DLGAP2: variants seen among roughly 807,000 people sequenced by gnomAD.
The protein encoded by DLGAP2 is disks large-associated protein 2.
A neutral mutation model predicts 100.3 loss-of-function variants in DLGAP2; 26 were observed. The observed-to-expected ratio is 0.26, with a 90% CI of 0.19 to 0.36. The LOEUF is 0.36. Among genes scored for constraint, DLGAP2 ranks in the 10% least tolerant of loss-of-function variants. DLGAP2 has a pLI of 1.00. For missense variants in DLGAP2, 1,858 were observed against 1,453.2 expected, an observed-to-expected ratio of 1.28 and a Z score of -4.53; for synonymous variants, 886 against 630.1, an observed-to-expected ratio of 1.41 and a Z score of -6.08.
intron 6 of DLGAP2, among the ~76,000 whole-genome samples, chr8:1,612,459 A>G (rs1257407080): frequency 7.0e-6 from 1 of 143,400 alleles, no homozygotes; most frequent in Non-Finnish European, 1.5e-5. Context: ...CCTAGGCATT[A>G]CCATTCAGGA....
At chr8:1,426,116 G>T (rs553531584) in intron 3 of DLGAP2, among the ~76,000 whole-genome samples, 50 of 152,284 alleles carry the variant, frequency 3.3e-4, no homozygotes, top group African/African-American at 1.2e-3. Context: ...AGAGGAGGAA[G>T]AAACCGGCTC....
chr8:1,431,628 T>G (rs538780985), intron 3 of DLGAP2, among the ~76,000 whole-genome samples: 4 of 151,750 alleles, frequency 2.6e-5, no homozygotes, highest in African/African-American at 9.6e-5. Flanking sequence ...TATCACAGGC[T>G]CGCTGGCGTG....
intron 3 of DLGAP2, among the ~76,000 whole-genome samples, chr8:1,270,050 C>T (rs781736688): frequency 1.2e-4 from 18 of 152,242 alleles, no homozygotes; most frequent in Admixed American, 6.5e-4. Flanking sequence ...CATACAGTAG[C>T]GGGTGGTCTT....
intron 2 of DLGAP2, among the ~76,000 whole-genome samples, chr8:1,241,658 G>C (rs1323098043): frequency 3.9e-5 from 6 of 151,918 alleles, no homozygotes; most frequent in Admixed American, 3.9e-4. Flanking sequence ...TTAACCAGTG[G>C]AAATGACTTG....
chr8:760,211 T>C (rs551295379), intron 1 of DLGAP2, among the ~76,000 whole-genome samples: 1 of 152,318 alleles, frequency 6.6e-6, no homozygotes, highest in East Asian at 1.9e-4. Flanking sequence ...GCCCAAGGGA[T>C]GACACAGGCT....
intron 2 of DLGAP2, among the ~76,000 whole-genome samples, chr8:1,108,313 T>A (rs74562106): frequency 1.8e-3 from 267 of 152,304 alleles, no homozygotes; most frequent in African/African-American, 6.0e-3. Flanking sequence ...TGCAGTCAAT[T>A]TCTGAAAGTT....
At chr8:948,317 G>A (rs1242823069) in intron 2 of DLGAP2, among the ~76,000 whole-genome samples, 1 of 152,244 alleles carries the variant, frequency 6.6e-6, no homozygotes, top group African/African-American at 2.4e-5. Context: ...CCTCATGCGT[G>A]TCGCCTGCGG....
chr8:1,179,515 T>G (rs903291970), intron 2 of DLGAP2, among the ~76,000 whole-genome samples: 1 of 152,406 alleles, frequency 6.6e-6, no homozygotes, highest in South Asian at 2.1e-4. Context: ...ACCTGGCTGC[T>G]GGGATGAGGC....
chr8:1,670,978 G>A (rs1798676634), intron 10 of DLGAP2, among the ~76,000 whole-genome samples: 1 of 152,226 alleles, frequency 6.6e-6, no homozygotes, highest in East Asian at 1.9e-4. Context: ...TGGGACAAGA[G>A]TGAGCAGGCT....
Position 1,669,787 on chromosome 8 carries a change from A to G in DLGAP2, c.2202+3A>G. ...ATCAGCCATACCCAAGGTCAGATGT[A>G]AGTACCGAAATGTGCTCCAAAGCCG... On this transcript the variant is annotated splice_donor_region_variant and intron_variant, in intron 10 of 14. Coordinates refer to ENST00000637795, the MANE Select transcript of DLGAP2 (RefSeq NM_001346810.2). 1.3e-6 allele frequency: 1 copy of G among 780,900 alleles called. No homozygotes were observed. The highest frequency in any genetic ancestry group is 2.4e-6 in the Non-Finnish European group (1 of 417,982). The allele number at this position is 780,900 out of a possible 1,614,324, so 48.4% of individuals were successfully genotyped here. A position where few individuals can be genotyped will look rare whatever the true frequency, so the allele number is the denominator to read the frequency against.
At chr8:1,418,019 G>A (rs980855583) in intron 3 of DLGAP2, among the ~76,000 whole-genome samples, 2 of 152,154 alleles carry the variant, frequency 1.3e-5, no homozygotes, top group African/African-American at 4.8e-5. Flanking sequence ...CTACAGTCCC[G>A]TTCTGGACAG....
rs1398596503 is a variant in DLGAP2, at chr8:979,411, T to C, written c.73+71445T>C. On this transcript the variant is annotated intron_variant, in intron 2 of 14. Transcript: ENST00000637795. ...CATAATAGTCTGTGATTTTATCCTT[T>C]TTCTAAAAATGTGCTGCCACCAAAG... 2.0e-5 allele frequency among the ~76,000 whole-genome samples: 3 copies of C among 152,224 alleles called. No homozygotes were observed. In the East Asian group the frequency reaches 5.8e-4, roughly 29 times the overall value.
At chr8:826,357 G>A (rs1796685169) in intron 1 of DLGAP2, among the ~76,000 whole-genome samples, 1 of 152,116 alleles carries the variant, frequency 6.6e-6, no homozygotes, top group Admixed American at 6.6e-5. Context: ...TTTCATTGTT[G>A]TGTTTATGTT....
At chr8:786,769 A>G (rs1435400428) in intron 1 of DLGAP2, among the ~76,000 whole-genome samples, 5 of 150,896 alleles carry the variant, frequency 3.3e-5, no homozygotes, top group African/African-American at 9.7e-5. Context: ...AACTTTTACA[A>G]ATGGTATGAG....
chr8:1,090,676 C>G (rs1006570502), intron 2 of DLGAP2, among the ~76,000 whole-genome samples: 5 of 152,216 alleles, frequency 3.3e-5, no homozygotes, highest in African/African-American at 1.2e-4. Context: ...AGGTGGAAGG[C>G]AGTACGCTGT....
chr8:799,988 G>A (rs1796114989), intron 1 of DLGAP2, among the ~76,000 whole-genome samples: 1 of 152,202 alleles, frequency 6.6e-6, no homozygotes, highest in African/African-American at 2.4e-5. Flanking sequence ...TTTAATGAAA[G>A]CCGCAGTGAT....
intron 3 of DLGAP2, among the ~76,000 whole-genome samples, chr8:1,386,318 C>T (rs1443721559): frequency 6.6e-6 from 1 of 152,308 alleles, no homozygotes; most frequent in Admixed American, 6.5e-5. Context: ...GGTGCATGAA[C>T]TCCCCAGAAC....
chr8:1,362,259 A>T (rs112421175), intron 3 of DLGAP2, among the ~76,000 whole-genome samples: 101 of 151,854 alleles, frequency 6.7e-4, no homozygotes, highest in African/African-American at 2.3e-3. Flanking sequence ...TGGCAGCTCC[A>T]CTCAGGGCCA....
chr8:856,180 T>TTCC (rs1797272810), intron 1 of DLGAP2, among the ~76,000 whole-genome samples: 1 of 138,630 alleles, frequency 7.2e-6, no homozygotes, highest in African/African-American at 2.6e-5. Flanking sequence ...AATCTTCTTC[T>TTCC]TCTTCTTTTT....
Sources: allele counts gnomAD v4.1 joint callset (sites outside exome capture counted in the v4.1 genomes callset), GRCh38; gene constraint gnomAD v4.1.1; transcripts MANE v1.5; gene names NCBI Gene and HGNC (gene_info 2026-07-23, HGNC 2026-07-21).